The following DNAJC1 variants were observed in gnomAD, a reference collection of about 807,000 sequenced individuals.
DNAJC1 encodes dnaJ homolog subfamily C member 1.
A neutral mutation model predicts 76.6 loss-of-function variants in DNAJC1; 58 were observed. The ratio of observed to expected loss-of-function variants is 0.76; its 90% CI spans 0.61 to 0.94. The LOEUF (loss-of-function observed/expected upper bound fraction) is 0.94. Ranked by LOEUF, DNAJC1 falls within the 40% of genes least tolerant of loss-of-function variation. DNAJC1 has a pLI of 0.00. For synonymous variants in DNAJC1, 258 were observed against 267.9 expected (o/e 0.96, Z 0.36); for missense variants, 689 against 677.3 (o/e 1.02, Z -0.19).
At chr10:21,840,342 T>C (rs1355609044) in intron 8 of DNAJC1, among the ~76,000 whole-genome samples, 1 of 152,158 alleles carries the variant, frequency 6.6e-6, no homozygotes, top group Non-Finnish European at 1.5e-5. Flanking sequence ...TGATTGTATA[T>C]CTAGAAAACC....
intron 5 of DNAJC1, 23 bp downstream of exon 5, chr10:21,919,809 A>G (rs776006002): frequency 2.0e-6 from 3 of 1,525,780 alleles, no homozygotes; most frequent in Admixed American, 1.9e-5. Flanking sequence ...TTCAAATTAT[A>G]AAGTATTTTT....
At position 21,920,996 on chromosome 10, in the gene DNAJC1, A is replaced by G. The variant is rs1837034491; in HGVS notation, c.372-33T>C. ...ACAAATATAACAGTTTTTCACGGGG[A>G]GTTTAAAATAAAAACAAAAAAAACT... On this transcript the variant is annotated intron_variant, in intron 3 of 11. Transcript: ENST00000376980. The G allele has an allele frequency of 3.4e-6, 5 of 1,491,258 alleles. No homozygotes were observed. The East Asian group carries it at 9.6e-5, about 29-fold the overall frequency. 92.4% of individuals were successfully genotyped at this position (1,491,258 alleles called of 1,614,324 possible).
intron 7 of DNAJC1, among the ~76,000 whole-genome samples, chr10:21,890,283 T>C (rs1476830767): frequency 2.6e-5 from 4 of 151,758 alleles, no homozygotes; most frequent in Non-Finnish European, 5.9e-5. Context: ...TATGGTGGTG[T>C]GTGCCTGTAA....
chr10:21,842,886 TA>T (rs1056499552), intron 8 of DNAJC1, among the ~76,000 whole-genome samples: 2 of 152,242 alleles, frequency 1.3e-5, no homozygotes, highest in Admixed American at 1.3e-4. Flanking sequence ...AGTGATAATA[TA>T]AACTTCATGA....
chr10:21,790,942 T>C (rs1834678004), intron 9 of DNAJC1, among the ~76,000 whole-genome samples: 1 of 152,086 alleles, frequency 6.6e-6, no homozygotes, highest in East Asian at 1.9e-4. Context: ...AATAAAATTT[T>C]TAAAAATATG....
At chr10:21,798,590 G>C (rs1834775352) in intron 9 of DNAJC1, among the ~76,000 whole-genome samples, 1 of 152,096 alleles carries the variant, frequency 6.6e-6, no homozygotes, top group Non-Finnish European at 1.5e-5. Context: ...AGACAACCTT[G>C]CTCCTTCACT....
chr10:21,820,369 A>G (rs973585210), intron 8 of DNAJC1, among the ~76,000 whole-genome samples: 2 of 152,228 alleles, frequency 1.3e-5, no homozygotes, highest in Admixed American at 1.3e-4. Context: ...TATTAAAAAT[A>G]ATGCTGCTAT....
Position 21,938,459 on chromosome 10 carries a change from G to A in DNAJC1, c.223-9318C>T, listed in dbSNP as rs531146480. Among the ~76,000 whole-genome samples the A allele has an allele frequency of 5.9e-5, 9 of 152,140 alleles. No individual in the cohort carries two copies. The South Asian group carries it at 1.9e-3, about 32-fold the overall frequency. ...AAAATCTGCCTTAGGTGACTCAAGC[G>A]AAATTTTTTATTTTATTTTTTACCA... On this transcript the variant is annotated intron_variant, in intron 1 of 11. Transcript: ENST00000376980.
At chr10:21,859,941 A>T (rs1261146828) in intron 8 of DNAJC1, among the ~76,000 whole-genome samples, 1 of 151,948 alleles carries the variant, frequency 6.6e-6, no homozygotes, top group Non-Finnish European at 1.5e-5. Flanking sequence ...GTGCAACCAC[A>T]TCTGGCTAAT....
chr10:21,893,051 A>G (rs1836483825), intron 7 of DNAJC1, among the ~76,000 whole-genome samples: 1 of 152,198 alleles, frequency 6.6e-6, no homozygotes, highest in Non-Finnish European at 1.5e-5. Context: ...GAACACTCCA[A>G]TTCACCACAG....
intron 1 of DNAJC1, among the ~76,000 whole-genome samples, chr10:21,992,226 G>C (rs1355277722): frequency 3.9e-5 from 6 of 152,316 alleles, no homozygotes; most frequent in Admixed American, 6.5e-5. Context: ...CAGGAGAATT[G>C]CTTGAATCCG....
intron 1 of DNAJC1, among the ~76,000 whole-genome samples, chr10:21,963,514 A>G (rs1837837248): frequency 6.6e-6 from 1 of 152,242 alleles, no homozygotes; most frequent in Non-Finnish European, 1.5e-5. Context: ...TGGAAGGTTT[A>G]CAAAGAAAAC....
chr10:21,900,278 G>A (rs1836628365), intron 7 of DNAJC1, among the ~76,000 whole-genome samples: 1 of 151,806 alleles, frequency 6.6e-6, no homozygotes, highest in African/African-American at 2.4e-5. Context: ...GGGAGGCGGA[G>A]GTTGCAGTGA....
chr10:21,757,595 A>C (rs189990817), intron 11 of DNAJC1, among the ~76,000 whole-genome samples: 1,636 of 152,258 alleles, frequency 0.011, 14 homozygotes, highest in South Asian at 0.02. Flanking sequence ...CTGCATCCCC[A>C]AAGATTACTT....
chr10:21,861,878 T>G (rs1465208421), intron 8 of DNAJC1, among the ~76,000 whole-genome samples: 1 of 151,826 alleles, frequency 6.6e-6, no homozygotes, highest in Non-Finnish European at 1.5e-5. Context: ...CGATCTGGAG[T>G]AGTCATTCTT....
intron 7 of DNAJC1, among the ~76,000 whole-genome samples, chr10:21,883,945 C>A (rs994124781): frequency 1.3e-5 from 2 of 152,050 alleles, no homozygotes; most frequent in Admixed American, 1.3e-4. Context: ...AACTGAGTAT[C>A]CATTTAAAAG....
chr10:21,772,934 C>T (rs567186607), intron 9 of DNAJC1, among the ~76,000 whole-genome samples: 2 of 152,242 alleles, frequency 1.3e-5, no homozygotes, highest in South Asian at 4.1e-4. Flanking sequence ...CAGCACTTCA[C>T]ATGCCAGAGC....
intron 7 of DNAJC1, among the ~76,000 whole-genome samples, chr10:21,891,231 A>G (rs1234455735): frequency 6.6e-6 from 1 of 152,076 alleles, no homozygotes; most frequent in Non-Finnish European, 1.5e-5. Flanking sequence ...TGTGTTATCA[A>G]AGCAGCCATG....
At chr10:21,812,203 T>A (rs1250630684) in intron 8 of DNAJC1, among the ~76,000 whole-genome samples, 1 of 151,872 alleles carries the variant, frequency 6.6e-6, no homozygotes, top group Non-Finnish European at 1.5e-5. Context: ...GGATTACAGG[T>A]GCCCGCCACC....
Sources: allele counts gnomAD v4.1 joint callset (sites outside exome capture counted in the v4.1 genomes callset), GRCh38; gene constraint gnomAD v4.1.1; transcripts MANE v1.5; gene names NCBI Gene and HGNC (gene_info 2026-07-23, HGNC 2026-07-21).